Variants in ATP2B3 observed in about 807,000 individuals in gnomAD.
ATP2B3 encodes ATPase plasma membrane Ca2+ transporting 3.
In ATP2B3, 12 loss-of-function variants were observed where a neutral mutation model predicts 70.8. That is an observed-to-expected ratio of 0.17 (90% CI 0.11 to 0.27). ATP2B3 has a LOEUF of 0.27. Among genes scored for constraint, ATP2B3 ranks in the 10% least tolerant of loss-of-function variants. The pLI, the probability that ATP2B3 is intolerant of heterozygous loss-of-function variation, is 1.00. For missense variants in ATP2B3, 858 were observed against 1,118.5 expected (o/e 0.77, Z 3.32); for synonymous variants, 460 against 497.8 (o/e 0.92, Z 1.01).
At position 153,546,490 on chromosome X, in the gene ATP2B3, T is replaced by A. The variant is rs1315250332; in HGVS notation, c.958+361T>A. On this transcript the variant is annotated intron_variant, in intron 8 of 21. Coordinates refer to ENST00000263519, the MANE Select transcript of ATP2B3 (RefSeq NM_001001344.3). ...ACTCACCTGAAGCTCTGGGTCCCAG[T>A]CAGTGTGTTTCCCAGGCCAGCTTCC... 7.1e-5 allele frequency among the ~76,000 whole-genome samples: 8 copies of A among 112,782 alleles called. No individual in the cohort carries two copies. In the Admixed American group the frequency reaches 7.4e-4, roughly 10 times the overall value.
At chrX:153,542,161 C>A (rs1374973629) in intron 5 of ATP2B3, among the ~76,000 whole-genome samples, 162 bp from the exon 6 acceptor site, 2 of 37,356 alleles carry the variant, frequency 5.4e-5, no homozygotes, top group Non-Finnish European at 2.6e-4. Context: ...GCCTCCACGG[C>A]GGGCTTTCCC....
intron 3 of ATP2B3, among the ~76,000 whole-genome samples, chrX:153,537,042 G>A (rs782012554): frequency 1.8e-4 from 20 of 112,782 alleles, no homozygotes; most frequent in Non-Finnish European, 3.6e-4. Context: ...CTGTCCCAAA[G>A]AGGCACAAGC....
intron 2 of ATP2B3, among the ~76,000 whole-genome samples, chrX:153,535,665 G>T (rs970095495): frequency 8.9e-6 from 1 of 112,551 alleles, no homozygotes; most frequent in Non-Finnish European, 1.9e-5. Flanking sequence ...TGCACAGGGC[G>T]CATCTTAACC....
intron 2 of ATP2B3, among the ~76,000 whole-genome samples, chrX:153,523,299 C>G (rs149814524): frequency 0.019 from 2,094 of 112,546 alleles, 52 homozygotes; most frequent in African/African-American, 0.064. Context: ...AGGCGGCCTT[C>G]AGTAATTACA....
At position 153,570,011 on chromosome X, in the gene ATP2B3, T is replaced by C. The variant is rs375997854; in HGVS notation, c.3342+4908T>C. ...TTTGTTTGGTTTTTCGGTTTGTGTTTAGTGCTCCTTGTGCCATTGGTTCTC... is the reference window on the plus strand; with the variant it reads ...TTTGTTTGGTTTTTCGGTTTGTGTTCAGTGCTCCTTGTGCCATTGGTTCTC... On this transcript the variant is annotated intron_variant, in intron 21 of 21. Coordinates refer to ENST00000263519, the MANE Select transcript of ATP2B3 (RefSeq NM_001001344.3). The C allele has an allele frequency of 3.4e-5, 14 of 414,756 alleles. No homozygotes were observed. The South Asian group carries it at 3.5e-4, about 10-fold the overall frequency. 34.2% of individuals were successfully genotyped at this position (414,756 alleles called of 1,213,427 possible).
At chrX:153,569,860 G>T (rs1251389734) in intron 21 of ATP2B3, 5 of 960,435 alleles carry the variant, frequency 5.2e-6, no homozygotes, top group Non-Finnish European at 7.2e-6. Context: ...TCCGCTCACC[G>T]TGGCTTTTCT....
At position 153,556,799 on chromosome X, in the gene ATP2B3, C is replaced by T. The variant is rs1487894618; in HGVS notation, c.2327-118C>T. ...GCACAGATAATTGGGACAGTCAGGA[C>T]GGGGTAATCCCAAAGGGTTTTCACA... On this transcript the variant is annotated intron_variant, in intron 15 of 21. Transcript: ENST00000263519. The T allele has an allele frequency of 7.1e-5, 49 of 689,018 alleles. 2 individuals carry two copies. The highest frequency in any genetic ancestry group is 1.9e-4 in the African/African-American group (9 of 46,723). 56.8% of individuals were successfully genotyped at this position (689,018 alleles called of 1,213,427 possible). A position where few individuals can be genotyped will look rare whatever the true frequency, so the allele number is the denominator to read the frequency against.
chrX:153,518,570 C>T lies in ATP2B3; in HGVS notation c.-127+19C>T, dbSNP rs1484064779. On this transcript the variant is annotated intron_variant, in intron 2 of 21. Transcript: ENST00000263519. The stretch of plus-strand genomic sequence containing the variant: ...ATGGCAGGTGCGGCATCTCCCAGAG[C>T]CTGAGACGATGGGCTTCTCTCTCTG... Among the ~76,000 whole-genome samples, 2 of 112,061 alleles carry T rather than the reference C, an allele frequency of 1.8e-5. No homozygotes were observed. Among genetic ancestry groups the T allele is most frequent in the African/African-American group, 3.2e-5 (1 of 30,847 alleles).
intron 2 of ATP2B3, among the ~76,000 whole-genome samples, chrX:153,531,724 G>A (rs897403985): frequency 6.2e-5 from 7 of 112,972 alleles, no homozygotes; most frequent in Non-Finnish European, 1.3e-4. Flanking sequence ...TGACTAGGGA[G>A]TGACTCGGGA....
chrX:153,529,691 A>G (rs1191678060), intron 2 of ATP2B3, among the ~76,000 whole-genome samples: 1 of 111,771 alleles, frequency 8.9e-6, no homozygotes, highest in African/African-American at 3.3e-5. Context: ...TCCCAAACTG[A>G]AGCTCTGGCC....
intron 7 of ATP2B3, 108 bp from the exon 8 acceptor site, chrX:153,545,980 T>C (rs781810511): frequency 2.6e-5 from 23 of 884,538 alleles, no homozygotes; most frequent in Non-Finnish European, 3.6e-5. Flanking sequence ...GGACGGGGCA[T>C]GAAGAAGGCC....
intron 2 of ATP2B3, among the ~76,000 whole-genome samples, chrX:153,522,634 G>A (rs1319938672): frequency 8.9e-6 from 1 of 112,424 alleles, no homozygotes; most frequent in African/African-American, 3.2e-5. Context: ...CTCCTTGGAA[G>A]GCAGTGGCCA....
chrX:153,558,697 G>C (rs1247965217), intron 17 of ATP2B3, among the ~76,000 whole-genome samples: 1 of 112,117 alleles, frequency 8.9e-6, no homozygotes, highest in Non-Finnish European at 1.9e-5. Flanking sequence ...CTTGTGTCTG[G>C]CATCTCGCTT....
chrX:153,580,554 A>C lies in ATP2B3; in HGVS notation c.*256A>C, dbSNP rs1557022713. The C allele has an allele frequency of 3.0e-6, 1 of 332,413 alleles. No individual in the cohort carries two copies. The highest frequency in any genetic ancestry group is 4.4e-5 in the East Asian group (1 of 22,953). 27.4% of individuals were successfully genotyped at this position (332,413 alleles called of 1,213,427 possible). A position where few individuals can be genotyped will look rare whatever the true frequency, so the allele number is the denominator to read the frequency against. On this transcript the variant is annotated 3_prime_UTR_variant, in exon 22 of 22. Coordinates refer to ENST00000263519, the MANE Select transcript of ATP2B3 (RefSeq NM_001001344.3). ...GGAGGAAAAGGAGGAAGAGGAGGAC[A>C]AAAAGGGGGAGGAGAAGGTTCTTCG... is the stretch of plus-strand genomic sequence containing the variant.
intron 8 of ATP2B3, among the ~76,000 whole-genome samples, chrX:153,546,675 G>C (rs1225182279): frequency 1.8e-5 from 2 of 113,454 alleles, no homozygotes; most frequent in South Asian, 7.1e-4. Flanking sequence ...TGGGAGGAGC[G>C]GGGAGGAGGC....
rs1403516567 is a variant in ATP2B3 at position 153,582,184 on chromosome X, T to G, written c.*1886T>G. 8.9e-6 allele frequency: 1 copy of G among 112,507 alleles called. No homozygotes were observed. The highest frequency in any genetic ancestry group is 3.2e-5 in the African/African-American group (1 of 30,907). The allele number at this position is 112,507 out of a possible 1,213,427, so 9.3% of individuals were successfully genotyped here. ...GCAGGCGTCATCCCCACTATTCCCATGAATGCCATGTCACCCCTGAGCAGA... is the reference window on the plus strand; with the variant it reads ...GCAGGCGTCATCCCCACTATTCCCAGGAATGCCATGTCACCCCTGAGCAGA... On this transcript the variant is annotated 3_prime_UTR_variant, in exon 22 of 22. Coordinates refer to ENST00000263519, the MANE Select transcript of ATP2B3 (RefSeq NM_001001344.3).
intron 21 of ATP2B3, among the ~76,000 whole-genome samples, chrX:153,575,601 G>A (rs907969025): frequency 1.8e-5 from 2 of 111,344 alleles, no homozygotes; most frequent in Non-Finnish European, 3.8e-5. Flanking sequence ...GGGTGGGGGC[G>A]AAGTGCAGGT....
At chrX:153,519,774 A>C (rs1173114877) in intron 2 of ATP2B3, among the ~76,000 whole-genome samples, 1 of 111,384 alleles carries the variant, frequency 9.0e-6, no homozygotes, top group African/African-American at 3.2e-5. Context: ...GTTTGAGTGC[A>C]GGAGTAGGCA....
chrX:153,526,347 C>G (rs1603017827), intron 2 of ATP2B3, among the ~76,000 whole-genome samples: 1 of 110,883 alleles, frequency 9.0e-6, no homozygotes, highest in East Asian at 2.9e-4. Flanking sequence ...GGCTGTGGGG[C>G]GCACTGAGGG....
Sources: allele counts gnomAD v4.1 joint callset (sites outside exome capture counted in the v4.1 genomes callset), GRCh38; gene constraint gnomAD v4.1.1; transcripts MANE v1.5; gene names NCBI Gene and HGNC (gene_info 2026-07-23, HGNC 2026-07-21).